The following POP1 variants were observed in gnomAD, a reference collection of about 807,000 sequenced individuals.
POP1 encodes the protein POP1 ribonuclease P/MRP subunit.
In POP1, 75 loss-of-function variants were observed where a neutral mutation model predicts 102.2. That is an observed-to-expected ratio of 0.73 (90% confidence interval 0.61 to 0.89). The LOEUF (loss-of-function observed/expected upper bound fraction) is 0.89, where lower values mean the gene tolerates loss of function less well. Ranked by LOEUF, POP1 falls within the 40% of genes least tolerant of loss-of-function variation. POP1 has a pLI of 0.00. For missense variants in POP1, 1,116 were observed against 1,267.4 expected, an observed-to-expected ratio of 0.88 and a Z score of 1.81; for synonymous variants, 436 against 464.1, an observed-to-expected ratio of 0.94 and a Z score of 0.78.
chr8:98,128,644 C>A, intron 4 of POP1, 104 bp downstream of exon 4: 1 of 1,306,226 alleles, frequency 7.7e-7, no homozygotes, highest in Non-Finnish European at 1.1e-6. Flanking sequence ...CAAGGCTGGG[C>A]ATGGTGGCTC....
chr8:98,151,471 A>G (rs1809510731), intron 14 of POP1, among the ~76,000 whole-genome samples: 4 of 152,156 alleles, frequency 2.6e-5, no homozygotes, highest in Admixed American at 2.6e-4. Flanking sequence ...TTTCCTTTAT[A>G]TTGCAAAGTA....
intron 7 of POP1, among the ~76,000 whole-genome samples, chr8:98,135,353 A>G (rs1374316477): frequency 6.6e-6 from 1 of 152,128 alleles, no homozygotes; most frequent in Non-Finnish European, 1.5e-5. Flanking sequence ...AACCAGCCTT[A>G]TGCTAATTAT....
At position 98,142,004 on chromosome 8, in the gene POP1, T is replaced by C. The variant is rs28604336; in HGVS notation, c.1594+1116T>C. ...AGGTAAGTTAGTTAATTATGAAGCC[T>C]AAGACTTTACTCAATGAGTCATTGC... On this transcript the variant is annotated intron_variant, in intron 11 of 15. Transcript: ENST00000401707. 5.6e-3 allele frequency among the ~76,000 whole-genome samples: 851 copies of C among 152,288 alleles called. 10 individuals are homozygous for C. Among genetic ancestry groups the C allele is most frequent in the African/African-American group, 0.019 (796 of 41,550 alleles).
At chr8:98,151,747 T>C in intron 14 of POP1, among the ~76,000 whole-genome samples, 1 of 149,464 alleles carries the variant, frequency 6.7e-6, no homozygotes, top group East Asian at 1.9e-4. Context: ...TTGCTTTTTT[T>C]TTTTTTTTTT....
chr8:98,118,230 T>C (rs535125286), intron 1 of POP1, among the ~76,000 whole-genome samples: 23 of 152,180 alleles, frequency 1.5e-4, no homozygotes, highest in Non-Finnish European at 3.2e-4. Context: ...GGCCTCCCCT[T>C]GCCTATTCAA....
intron 9 of POP1, among the ~76,000 whole-genome samples, chr8:98,138,277 G>A (rs1435171072): frequency 6.6e-6 from 1 of 151,488 alleles, no homozygotes; most frequent in Non-Finnish European, 1.5e-5. Context: ...TGTGACCCGT[G>A]TAATCTTGTG....
At position 98,155,830 on chromosome 8, in the gene POP1, C is replaced by T. The variant is rs1809629913; in HGVS notation, c.2058-220C>T. 7.9e-6 allele frequency: 4 copies of T among 509,246 alleles called. No individual in the cohort carries two copies. The East Asian group carries it at 1.6e-4, about 20-fold the overall frequency. The allele number at this position is 509,246 out of a possible 1,614,324, so 31.5% of individuals were successfully genotyped here. A position where few individuals can be genotyped will look rare whatever the true frequency, so the allele number is the denominator to read the frequency against. On this transcript the variant is annotated intron_variant, in intron 14 of 15. Coordinates refer to ENST00000401707, the MANE Select transcript of POP1 (RefSeq NM_001145860.2). ...ACCTCAGGTGATCGCCTGCCTTGGC[C>T]TCCTAAAGTGCTGGGATTACAGGCA...
intron 7 of POP1, among the ~76,000 whole-genome samples, chr8:98,135,313 T>C (rs554346146): frequency 2.0e-5 from 3 of 152,226 alleles, no homozygotes; most frequent in Non-Finnish European, 4.4e-5. Context: ...CTCATATTTT[T>C]AGTAAGTCAT....
At chr8:98,141,349 C>G (rs16896675) in intron 11 of POP1, among the ~76,000 whole-genome samples, 3,944 of 152,072 alleles carry the variant, frequency 0.026, 165 homozygotes, top group African/African-American at 0.09. Context: ...CTAAGTAGTA[C>G]TAGAGGCCTG....
intron 9 of POP1, among the ~76,000 whole-genome samples, chr8:98,137,625 A>G (rs527327070): frequency 6.6e-6 from 1 of 152,152 alleles, no homozygotes; most frequent in Non-Finnish European, 1.5e-5. Context: ...TAGAATCTCT[A>G]AAAAGGTTAA....
At chr8:98,155,409 T>C (rs1371895146) in intron 14 of POP1, among the ~76,000 whole-genome samples, 1 of 150,564 alleles carries the variant, frequency 6.6e-6, no homozygotes, top group African/African-American at 2.5e-5. Flanking sequence ...GCCTCCCTAG[T>C]ATCTGGGATT....
Position 98,158,295 on chromosome 8 carries a change from G to A in POP1, c.*24G>A, listed in dbSNP as rs374995416. Reference sequence around the variant, plus strand: ...GAATGCGTGCTTGTATCCCAGCAGGGCATAGATAATACGTTATTATTGTCT... The same window carrying A: ...GAATGCGTGCTTGTATCCCAGCAGGACATAGATAATACGTTATTATTGTCT... On this transcript the variant is annotated 3_prime_UTR_variant, in exon 16 of 16. Transcript: ENST00000401707. The A allele has an allele frequency of 1.9e-6, 3 of 1,602,672 alleles. No homozygotes were observed. Among genetic ancestry groups the A allele is most frequent in the Non-Finnish European group, 8.5e-7 (1 of 1,179,666 alleles).
At chr8:98,124,503 G>T (rs1816137262) in intron 2 of POP1, among the ~76,000 whole-genome samples, 1 of 152,006 alleles carries the variant, frequency 6.6e-6, no homozygotes, top group South Asian at 2.1e-4. Flanking sequence ...GGAGGTTGCA[G>T]TGAGCCAAGA....
intron 3 of POP1, 55 bp downstream of exon 3, chr8:98,127,817 T>G: frequency 6.3e-7 from 1 of 1,577,216 alleles, no homozygotes; most frequent in Non-Finnish European, 8.7e-7. Context: ...TCGTGTCTAG[T>G]GCAGCAACAA....
rs1413601657 is a variant in POP1 at position 98,136,634 on chromosome 8, T to C, written c.1164T>C (p.Asp388=). The C allele has an allele frequency of 1.2e-6, 2 of 1,613,746 alleles. No homozygotes were observed. The highest frequency in any genetic ancestry group is 2.2e-5 in the East Asian group (1 of 44,888). ...EKIGKKRKRK[D]DGENAKPIKK... ...TTGGCAAGAAAAGAAAAAGGAAAGA[T>C]GATGGAGAAAATGCTAAACCAATTA... The change falls in exon 8 of 16, where the codon GAT becomes GAC. Residue 388 remains aspartate, a synonymous_variant. Transcript: ENST00000401707.
chr8:98,149,380 A>G (rs1809458466), intron 13 of POP1, among the ~76,000 whole-genome samples: 1 of 152,212 alleles, frequency 6.6e-6, no homozygotes, highest in Non-Finnish European at 1.5e-5. Context: ...AATGTTAACT[A>G]TAACCATATA....
chr8:98,156,977 C>T (rs1398873173), intron 15 of POP1, among the ~76,000 whole-genome samples: 1 of 150,356 alleles, frequency 6.7e-6, no homozygotes, highest in African/African-American at 2.5e-5. Context: ...TCTTGGCTCA[C>T]TGCAACCTCG....
chr8:98,147,539 G>C (rs527479413), intron 12 of POP1, among the ~76,000 whole-genome samples: 1 of 152,264 alleles, frequency 6.6e-6, no homozygotes, highest in South Asian at 2.1e-4. Flanking sequence ...TTTTAAGGTT[G>C]GCTGTGACAT....
chr8:98,118,634 C>T (rs1815919457), intron 1 of POP1, among the ~76,000 whole-genome samples: 1 of 152,098 alleles, frequency 6.6e-6, no homozygotes, highest in South Asian at 2.1e-4. Flanking sequence ...TCATATTGGC[C>T]AGGCTGGTCT....
Sources: gnomAD v4.1 joint callset for allele counts (sites outside exome capture counted in the v4.1 genomes callset) on GRCh38, gnomAD v4.1.1 for gene constraint, MANE v1.5 for transcripts, NCBI Gene and HGNC (gene_info 2026-07-23, HGNC 2026-07-21) for gene names.